TBC1D5: variants seen among roughly 807,000 people sequenced by gnomAD.
TBC1D5 encodes TBC1 domain family member 5, also known as TBC1 domain family, member 5.
Under a neutral mutation model 100.3 loss-of-function variants are expected in TBC1D5, and 75 were observed. The observed-to-expected ratio is 0.75, with a 90% CI of 0.62 to 0.91. TBC1D5 has a LOEUF of 0.91. Among genes scored for constraint, TBC1D5 ranks in the 40% least tolerant of loss-of-function variants. The probability of loss-of-function intolerance (pLI) is 0.00; values close to 1 mark genes in which losing one functional copy is unlikely to be tolerated. For missense variants in TBC1D5, 910 were observed against 942.4 expected (o/e 0.97, Z 0.45); for synonymous variants, 323 against 325.6 (o/e 0.99, Z 0.09).
chr3:17,481,566 A>G (rs539930277), intron 3 of TBC1D5, among the ~76,000 whole-genome samples: 1 of 152,238 alleles, frequency 6.6e-6, no homozygotes, highest in Non-Finnish European at 1.5e-5. Flanking sequence ...TTATCTTCAC[A>G]GAGTATGTCC....
At chr3:17,409,155 T>C (rs1000123465) in intron 4 of TBC1D5, among the ~76,000 whole-genome samples, 1 of 152,220 alleles carries the variant, frequency 6.6e-6, no homozygotes, top group South Asian at 2.1e-4. Flanking sequence ...CAACCTTGCA[T>C]TGAGCAAGTC....
chr3:17,480,183 C>T (rs1275545788), intron 3 of TBC1D5, among the ~76,000 whole-genome samples: 3 of 152,198 alleles, frequency 2.0e-5, no homozygotes, highest in African/African-American at 7.2e-5. Flanking sequence ...CGGGCACCAG[C>T]GAGCGCAGGA....
chr3:17,591,932 A>G (rs927904702), intron 2 of TBC1D5, among the ~76,000 whole-genome samples: 14 of 152,256 alleles, frequency 9.2e-5, no homozygotes, highest in African/African-American at 3.4e-4. Context: ...TATTTGGCCT[A>G]TGCAGAAGAC....
chr3:17,721,459 ATGTGTG>A (rs59017875), intron 1 of TBC1D5, among the ~76,000 whole-genome samples: 6,688 of 148,972 alleles, frequency 0.045, 449 homozygotes, highest in African/African-American at 0.15. Flanking sequence ...GTGTGAGAGC[ATGTGTG>A]TGTGTGTGTG....
chr3:17,480,136 A>C (rs988816316), intron 3 of TBC1D5, among the ~76,000 whole-genome samples: 1 of 152,220 alleles, frequency 6.6e-6, no homozygotes, highest in Non-Finnish European at 1.5e-5. Context: ...CGGCACTGTC[A>C]TGCCGGCCCC....
At chr3:17,318,375 A>T (rs1427710419) in intron 13 of TBC1D5, among the ~76,000 whole-genome samples, 1 of 152,142 alleles carries the variant, frequency 6.6e-6, no homozygotes, top group Non-Finnish European at 1.5e-5. Context: ...CTTAAAGTAT[A>T]ATAACAATAA....
chr3:17,235,804 C>G lies in TBC1D5; in HGVS notation c.1588+2359G>C, dbSNP rs373253875. 8.5e-5 allele frequency among the ~76,000 whole-genome samples: 13 copies of G among 152,266 alleles called. No individual in the cohort carries two copies. The East Asian group carries it at 1.5e-3, about 18-fold the overall frequency. The stretch of plus-strand genomic sequence containing the variant: ...CTACACTATCTTCTATCGTCTACTT[C>G]CACAAACCGTTCTCTTTGCCTTTTG... On this transcript the variant is annotated intron_variant, in intron 17 of 21. Transcript: ENST00000253692.
At chr3:17,557,607 G>C (rs535978133) in intron 2 of TBC1D5, among the ~76,000 whole-genome samples, 1 of 152,084 alleles carries the variant, frequency 6.6e-6, no homozygotes, top group African/African-American at 2.4e-5. Context: ...CTGGAGTGTA[G>C]TGGCATAGTC....
rs1447242488 is a variant in TBC1D5 at position 17,292,012 on chromosome 3, A to C, written c.1139-11T>G. The C allele has an allele frequency of 1.2e-6, 2 of 1,602,478 alleles. No homozygotes were observed. The highest frequency in any genetic ancestry group is 1.1e-5 in the South Asian group (1 of 90,338). ...AGTTACTAGAGATCACTAAATAAGA[A>C]GAAAAAATAATTCAGATGCAATACT... On this transcript the variant is annotated splice_polypyrimidine_tract_variant and intron_variant, in intron 14 of 21. Transcript: ENST00000253692.
intron 2 of TBC1D5, among the ~76,000 whole-genome samples, chr3:17,603,762 C>G (rs2061156306): frequency 6.6e-6 from 1 of 152,046 alleles, no homozygotes; most frequent in African/African-American, 2.4e-5. Context: ...GGCTCTCTGC[C>G]TCAACCTCCC....
At chr3:17,649,593 A>T (rs984681322) in intron 1 of TBC1D5, among the ~76,000 whole-genome samples, 16 of 152,324 alleles carry the variant, frequency 1.1e-4, no homozygotes, top group African/African-American at 3.8e-4. Flanking sequence ...CCACAATGAG[A>T]TACCATCTCA....
rs994201185 is a variant in TBC1D5, at chr3:17,254,154, G to C, written c.1331+4352C>G. Among the ~76,000 whole-genome samples the C allele has an allele frequency of 2.6e-5, 4 of 152,178 alleles. No individual in the cohort carries two copies. The South Asian group carries it at 8.3e-4, about 31-fold the overall frequency. ...TCCAGATTTGGGGTATTATGAATAA[G>C]GCTGCTGTGAATATTCTGTTTCAAT... On this transcript the variant is annotated intron_variant, in intron 16 of 21. Transcript: ENST00000253692.
intron 13 of TBC1D5, among the ~76,000 whole-genome samples, chr3:17,327,493 C>T (rs2086292706): frequency 4.6e-5 from 7 of 152,200 alleles, no homozygotes; most frequent in Non-Finnish European, 1.5e-5. Flanking sequence ...GCTTCAGCCT[C>T]GCTGGTTTGA....
intron 1 of TBC1D5, among the ~76,000 whole-genome samples, chr3:17,704,074 C>G (rs2073611979): frequency 7.0e-6 from 1 of 142,934 alleles, no homozygotes; most frequent in African/African-American, 2.6e-5. Context: ...TGCGGCCTTC[C>G]GCAGTGTTTG....
At chr3:17,531,676 T>C (rs1260385972) in intron 2 of TBC1D5, among the ~76,000 whole-genome samples, 1 of 152,082 alleles carries the variant, frequency 6.6e-6, no homozygotes, top group Non-Finnish European at 1.5e-5. Context: ...TCAGAAATAA[T>C]GCCACATATC....
chr3:17,717,334 C>T (rs575856785), intron 1 of TBC1D5, among the ~76,000 whole-genome samples: 1 of 151,496 alleles, frequency 6.6e-6, no homozygotes, highest in East Asian at 1.9e-4. Context: ...TTAATACTAT[C>T]AAACTTTCAC....
intron 3 of TBC1D5, among the ~76,000 whole-genome samples, chr3:17,432,206 T>C (rs1302833174): frequency 6.6e-6 from 1 of 152,084 alleles, no homozygotes; most frequent in Admixed American, 6.5e-5. Context: ...TATTTAATAG[T>C]AAGATGGGGA....
chr3:17,232,212 A>G (rs2075484364), intron 17 of TBC1D5, among the ~76,000 whole-genome samples: 1 of 152,194 alleles, frequency 6.6e-6, no homozygotes, highest in South Asian at 2.1e-4. Context: ...TATTAATAGC[A>G]TAGAAGCAGA....
chr3:17,305,115 T>G (rs756730897), intron 14 of TBC1D5, among the ~76,000 whole-genome samples: 3 of 152,150 alleles, frequency 2.0e-5, no homozygotes, highest in Non-Finnish European at 4.4e-5. Context: ...CTGGCAAAGG[T>G]ATCCAATGAC....
Sources: gnomAD v4.1 joint callset for allele counts (sites outside exome capture counted in the v4.1 genomes callset) on GRCh38, gnomAD v4.1.1 for gene constraint, MANE v1.5 for transcripts, NCBI Gene and HGNC (gene_info 2026-07-23, HGNC 2026-07-21) for gene names.